Variants in NFAM1 observed in about 807,000 individuals in gnomAD.
NFAM1 encodes the protein NFAT activation molecule 1.
Under a neutral mutation model 29.0 loss-of-function variants are expected in NFAM1, and 17 were observed. The ratio of observed to expected loss-of-function variants is 0.59; its 90% CI spans 0.40 to 0.88. The LOEUF is 0.88. Ranked by LOEUF, NFAM1 falls within the 40% of genes least tolerant of loss-of-function variation. NFAM1 has a pLI of 0.00. For synonymous variants in NFAM1, 175 were observed against 147.2 expected (o/e 1.19, Z -1.36); for missense variants, 324 against 344.6 (o/e 0.94, Z 0.47).
the NFAM1 span, among the ~76,000 whole-genome samples, chr22:42,437,758 C>T: frequency 2.5e-3 from 388 of 152,324 alleles, 1 homozygote; most frequent in African/African-American, 8.9e-3. Flanking sequence ...CACCGCCTAG[C>T]AAGATCAAGA....
intron 1 of NFAM1, among the ~76,000 whole-genome samples, chr22:42,425,350 T>G (rs1204167697): frequency 6.6e-6 from 1 of 152,166 alleles, no homozygotes. Flanking sequence ...CGGCCTCCTT[T>G]TAAAATATAT....
chr22:42,421,400 G>C (rs558088565), intron 1 of NFAM1, among the ~76,000 whole-genome samples: 108 of 147,812 alleles, frequency 7.3e-4, no homozygotes, highest in Non-Finnish European at 1.3e-3. Context: ...AGCCGAGATC[G>C]CATCATTGCA....
At chr22:42,437,117 G>T, upstream of NFAM1, 1 of 361,328 alleles carries the variant, frequency 2.8e-6, no homozygotes, top group Non-Finnish European at 3.8e-6. Context: ...AAAAAACAAA[G>T]GTGGCATGAT....
At chr22:42,390,823 A>T (rs573232004) in intron 4 of NFAM1, among the ~76,000 whole-genome samples, 2 of 149,808 alleles carry the variant, frequency 1.3e-5, no homozygotes, top group African/African-American at 5.1e-5. Context: ...TCTCAAAAAA[A>T]AAAAAAAAAA....
At chr22:42,429,433 C>G (rs896029854) in intron 1 of NFAM1, among the ~76,000 whole-genome samples, 1 of 151,924 alleles carries the variant, frequency 6.6e-6, no homozygotes, top group African/African-American at 2.4e-5. Flanking sequence ...CTGGCCAACA[C>G]GGTGAAAACC....
intron 1 of NFAM1, among the ~76,000 whole-genome samples, chr22:42,429,588 C>T (rs1569237709): frequency 1.3e-5 from 2 of 152,316 alleles, no homozygotes; most frequent in East Asian, 3.9e-4. Context: ...TGCACTCCAG[C>T]CTGGGCAACA....
intron 4 of NFAM1, among the ~76,000 whole-genome samples, chr22:42,391,466 C>A (rs1283778521): frequency 3.3e-5 from 5 of 152,112 alleles, no homozygotes; most frequent in Non-Finnish European, 7.4e-5. Flanking sequence ...CCAGTGTTAG[C>A]GCTGGGGCAG....
chr22:42,387,071 T>C lies in NFAM1; in HGVS notation c.671A>G (p.Gln224Arg). 2 of 1,579,578 alleles carry C rather than the reference T, an allele frequency of 1.3e-6. No homozygotes were observed. The highest frequency in any genetic ancestry group is 1.7e-6 in the Non-Finnish European group (2 of 1,161,702). The change falls in exon 5 of 6, where the codon CAG (glutamine) becomes CGG (arginine). Residue 224 changes from glutamine (Q) to arginine (R), a missense_variant. Transcript: ENST00000329021. Reference protein sequence around the residue: ...HPSESVYTALQRRETEVYACI... With the variant: ...HPSESVYTALRRRETEVYACI... ...GGCATAGACCTCGGTCTCGCGGCGC[T>C]GCAGAGCCTACAGGAAACGGGGTGC...
intron 4 of NFAM1, among the ~76,000 whole-genome samples, chr22:42,387,939 C>T (rs1303953887): frequency 1.3e-5 from 2 of 152,208 alleles, no homozygotes. Flanking sequence ...ATGTCGGAGT[C>T]CTGCTCCCAC....
Position 42,388,210 on chromosome 22 carries a change from A to T in NFAM1, c.664-1132T>A, listed in dbSNP as rs889692701. 9.9e-6 allele frequency among the ~76,000 whole-genome samples: 1 copy of T among 101,108 alleles called. No homozygotes were observed. Among genetic ancestry groups the T allele is most frequent in the Admixed American group, 1.1e-4 (1 of 8,910 alleles). The allele number at this position is 101,108 out of a possible 152,430, so 66.3% of individuals were successfully genotyped here. ...AGAGTAGGTTCGAATCTCGGCTCTG[A>T]CTGCGCCAGCCAAAGGCAACCCCTT... On this transcript the variant is annotated intron_variant, in intron 4 of 5. Transcript: ENST00000329021. The surrounding 1 kb of genome is among the most constrained non-coding windows in gnomAD (Gnocchi z 4.1).
intron 4 of NFAM1, among the ~76,000 whole-genome samples, chr22:42,393,214 G>A (rs543446836): frequency 1.6e-4 from 24 of 152,064 alleles, no homozygotes; most frequent in Admixed American, 1.5e-3. Context: ...CATACTGGCA[G>A]ATTTTAACTA....
intron 5 of NFAM1, among the ~76,000 whole-genome samples, chr22:42,386,015 C>T (rs1331579574): frequency 6.6e-6 from 1 of 152,160 alleles, no homozygotes; most frequent in South Asian, 2.1e-4. Context: ...CATTTGAATT[C>T]AGAGGCAGTT....
At chr22:42,406,693 T>C (rs761567146) in intron 3 of NFAM1, among the ~76,000 whole-genome samples, 12 of 152,238 alleles carry the variant, frequency 7.9e-5, no homozygotes, top group Non-Finnish European at 1.2e-4. Context: ...ATCTGATATA[T>C]ACGACCTACT....
At chr22:42,427,968 G>T (rs1420436374) in intron 1 of NFAM1, among the ~76,000 whole-genome samples, 1 of 152,230 alleles carries the variant, frequency 6.6e-6, no homozygotes, top group Non-Finnish European at 1.5e-5. Context: ...TTCTTGACCT[G>T]GTGAGAGTCA....
chr22:42,420,557 G>A (rs1930412997), intron 1 of NFAM1, among the ~76,000 whole-genome samples: 1 of 152,056 alleles, frequency 6.6e-6, no homozygotes, highest in Non-Finnish European at 1.5e-5. Context: ...CTAGAGGTCA[G>A]GAGTTCAAGA....
intron 3 of NFAM1, among the ~76,000 whole-genome samples, chr22:42,406,214 C>T (rs935364292): frequency 3.6e-5 from 5 of 137,150 alleles, no homozygotes; most frequent in Non-Finnish European, 6.5e-5. Context: ...AAACCACTTG[C>T]GCGAGTCCCT....
At chr22:42,433,152 G>A (rs5996164), upstream of NFAM1, among the ~76,000 whole-genome samples, 20 of 152,262 alleles carry the variant, frequency 1.3e-4, no homozygotes, top group African/African-American at 3.6e-4. Context: ...GTTTGCTGCC[G>A]GGACCCCCTT....
At chr22:42,420,623 G>A (rs1393383721) in intron 1 of NFAM1, among the ~76,000 whole-genome samples, 4 of 151,804 alleles carry the variant, frequency 2.6e-5, no homozygotes, top group South Asian at 2.1e-4. Flanking sequence ...AAAATTAGCC[G>A]GGTATGGTGG....
At chr22:42,394,636 G>A (rs562395443) in intron 4 of NFAM1, among the ~76,000 whole-genome samples, 5 of 152,230 alleles carry the variant, frequency 3.3e-5, no homozygotes, top group African/African-American at 1.2e-4. Flanking sequence ...TACTGTAAGT[G>A]CACAAATTAG....
Sources: gnomAD v4.1 joint callset for allele counts (sites outside exome capture counted in the v4.1 genomes callset) on GRCh38, gnomAD v4.1.1 for gene constraint, Gnocchi (gnomAD v3.1) non-coding constraint, MANE v1.5 for transcripts, NCBI Gene and HGNC (gene_info 2026-07-23, HGNC 2026-07-21) for gene names.